Variants in FHOD3 observed in about 807,000 individuals in gnomAD.
FHOD3 encodes formin homology 2 domain containing 3, also known as FH1/FH2 domain-containing protein 3.
In FHOD3, 90 loss-of-function variants were observed where a neutral mutation model predicts 173.0. The observed-to-expected ratio is 0.52, with a 90% CI of 0.44 to 0.62. The LOEUF (loss-of-function observed/expected upper bound fraction) is 0.62. Among genes scored for constraint, FHOD3 ranks in the 20% least tolerant of loss-of-function variants. FHOD3 has a pLI of 0.00. For synonymous variants in FHOD3, 828 were observed against 823.0 expected (o/e 1.01, Z -0.10); for missense variants, 1,945 against 2,034.7 (o/e 0.96, Z 0.85).
chr18:36,685,495 A>G (rs1474368847), intron 15 of FHOD3, among the ~76,000 whole-genome samples: 1 of 152,218 alleles, frequency 6.6e-6, no homozygotes, highest in East Asian at 1.9e-4. Flanking sequence ...GCTTTTTGCA[A>G]AGCATCTAAA....
chr18:36,760,761 A>G lies in FHOD3; in HGVS notation c.4603A>G (p.Thr1535Ala), dbSNP rs1464904301. 6.2e-7 allele frequency: 1 copy of G among 1,610,316 alleles called. No individual in the cohort carries two copies. Among genetic ancestry groups the G allele is most frequent in the Non-Finnish European group, 8.5e-7 (1 of 1,179,046 alleles). Residue 1535 changes from threonine (T) to alanine (A), a missense_variant, in exon 27 of 29, where the codon ACA (threonine) becomes GCA (alanine). Physicochemically the swap from Thr to Ala is moderately conservative, Grantham distance 58. Coordinates refer to ENST00000590592, the MANE Select transcript of FHOD3 (RefSeq NM_001281740.3). ...EDATPALGVR[T>A]RSRASRGSTS... ...CGCCACCCCCGCGCTGGGCGTCCGCACACGCAGCCGAGCAAGCCGAGGTAA... is the reference window on the plus strand; with the variant it reads ...CGCCACCCCCGCGCTGGGCGTCCGCGCACGCAGCCGAGCAAGCCGAGGTAA...
Position 36,750,116 on chromosome 18 carries a change from T to C in FHOD3, c.4232+2981T>C, listed in dbSNP as rs113962907. Among the ~76,000 whole-genome samples the C allele has an allele frequency of 3.2e-3, 483 of 152,206 alleles. 2 individuals carry two copies. The highest frequency in any genetic ancestry group is 0.011 in the African/African-American group (452 of 41,550). ...CATCCTGGCTAACACGGTGAAACCC[T>C]GTCTCTACTAAAAATACAAAAAATT... On this transcript the variant is annotated intron_variant, in intron 24 of 28. Transcript: ENST00000590592.
At chr18:36,524,148 A>G (rs960747280) in intron 5 of FHOD3, among the ~76,000 whole-genome samples, 1 of 151,944 alleles carries the variant, frequency 6.6e-6, no homozygotes, top group Non-Finnish European at 1.5e-5. Flanking sequence ...AGGGTGAGGT[A>G]GTGCATGCCT....
Position 36,664,811 on chromosome 18 carries a change from A to AGATT in FHOD3, c.1835+6625_1835+6626insTTGA, listed in dbSNP as rs1555798273. Among the ~76,000 whole-genome samples, 159 of 149,028 alleles carry AGATT rather than the reference A, an allele frequency of 1.1e-3. 3 individuals carry two copies. The highest frequency in any genetic ancestry group is 3.9e-3 in the African/African-American group (151 of 39,092). On this transcript the variant is annotated intron_variant, in intron 14 of 28. Transcript: ENST00000590592. Reference sequence around the variant, plus strand: ...GAGAGAGAGAGAGAGAGAGAGAGAGAGAGATTGAGATTGAGATTTCTCCTT... The same window carrying AGATT: ...GAGAGAGAGAGAGAGAGAGAGAGAGAGATTGAGATTGAGATTGAGATTTCTCCTT...
chr18:36,608,330 G>A (rs757491181), intron 8 of FHOD3, among the ~76,000 whole-genome samples: 2 of 152,222 alleles, frequency 1.3e-5, no homozygotes, highest in African/African-American at 4.8e-5. Flanking sequence ...GGTGAGGGAG[G>A]TTGTAGGGAA....
intron 3 of FHOD3, among the ~76,000 whole-genome samples, chr18:36,409,100 C>T (rs550893096): frequency 5.3e-5 from 8 of 152,216 alleles, no homozygotes; most frequent in South Asian, 2.1e-4. Context: ...TCTTGCGGCC[C>T]GGCAAATTCC....
intron 20 of FHOD3, among the ~76,000 whole-genome samples, chr18:36,731,864 A>G (rs920530743): frequency 6.6e-6 from 1 of 152,170 alleles, no homozygotes; most frequent in African/African-American, 2.4e-5. Flanking sequence ...GAAGGAAGGG[A>G]CCTTCATAGG....
At chr18:36,555,337 C>G (rs2057831763) in intron 5 of FHOD3, among the ~76,000 whole-genome samples, 1 of 151,546 alleles carries the variant, frequency 6.6e-6, no homozygotes, top group South Asian at 2.1e-4. Flanking sequence ...TTGGGATACA[C>G]CAGAGTTTTT....
At chr18:36,482,870 G>C (rs879365609) in intron 3 of FHOD3, among the ~76,000 whole-genome samples, 24,386 of 95,082 alleles carry the variant, frequency 0.26, 2,848 homozygotes, top group Admixed American at 0.43. Context: ...GAGAGAGAGA[G>C]AGAGAGAGAG....
intron 5 of FHOD3, among the ~76,000 whole-genome samples, chr18:36,531,028 A>G (rs75602245): frequency 4.6e-5 from 7 of 152,142 alleles, no homozygotes; most frequent in African/African-American, 1.4e-4. Flanking sequence ...TCAGTGTCCA[A>G]TGGCTGGCCT....
chr18:36,581,969 C>G (rs964612646), intron 6 of FHOD3, among the ~76,000 whole-genome samples: 5 of 152,084 alleles, frequency 3.3e-5, no homozygotes, highest in Non-Finnish European at 7.3e-5. Flanking sequence ...AAAATAGAGA[C>G]ATTTTGAGGA....
intron 5 of FHOD3, among the ~76,000 whole-genome samples, chr18:36,515,618 G>A (rs936982180): frequency 2.0e-5 from 3 of 152,176 alleles, no homozygotes; most frequent in African/African-American, 4.8e-5. Context: ...GGGAGAGCCC[G>A]TCAACCACCT....
chr18:36,562,888 G>A (rs115802360), intron 5 of FHOD3, among the ~76,000 whole-genome samples: 1,847 of 152,300 alleles, frequency 0.012, 43 homozygotes, highest in African/African-American at 0.041. Context: ...GATCCAAGGC[G>A]TGAGGAGGGG....
At chr18:36,726,687 T>A (rs1168061565) in intron 19 of FHOD3, among the ~76,000 whole-genome samples, 1 of 152,200 alleles carries the variant, frequency 6.6e-6, no homozygotes, top group Non-Finnish European at 1.5e-5. Flanking sequence ...TCTTTTCTTT[T>A]TTTTTGAGAT....
At chr18:36,511,374 C>G (rs200167457) in intron 4 of FHOD3, among the ~76,000 whole-genome samples, 1 of 115,572 alleles carries the variant, frequency 8.7e-6, no homozygotes. Context: ...TTTTTCTTTT[C>G]TTTTCTTTTT....
chr18:36,522,445 C>G (rs1802407547), intron 5 of FHOD3, among the ~76,000 whole-genome samples: 1 of 152,178 alleles, frequency 6.6e-6, no homozygotes. Flanking sequence ...GATAATTTTA[C>G]TAGTTCAGTA....
chr18:36,752,073 G>C (rs372463657), intron 24 of FHOD3, among the ~76,000 whole-genome samples: 9 of 152,150 alleles, frequency 5.9e-5, no homozygotes, highest in African/African-American at 2.2e-4. Flanking sequence ...CGGCAGCAAG[G>C]AGAAGTGCCA....
At chr18:36,714,233 A>G (rs1011758286) in intron 18 of FHOD3, among the ~76,000 whole-genome samples, 8 of 152,194 alleles carry the variant, frequency 5.3e-5, no homozygotes, top group Non-Finnish European at 1.0e-4. Context: ...GAAAACTGGC[A>G]TTTTAAAAAT....
At chr18:36,381,220 C>T (rs747969099) in intron 3 of FHOD3, among the ~76,000 whole-genome samples, 1 of 152,218 alleles carries the variant, frequency 6.6e-6, no homozygotes, top group East Asian at 1.9e-4. Context: ...GGTGTTCCGG[C>T]TGAGTTCCAG....
Sources: allele counts gnomAD v4.1 joint callset (sites outside exome capture counted in the v4.1 genomes callset), GRCh38; gene constraint gnomAD v4.1.1; transcripts MANE v1.5; gene names NCBI Gene and HGNC (gene_info 2026-07-23, HGNC 2026-07-21).